The following SPICE1 variants were observed in gnomAD, a reference collection of about 807,000 sequenced individuals.
The protein encoded by SPICE1 is spindle and centriole-associated protein 1.
In SPICE1, 75 loss-of-function variants were observed where a neutral mutation model predicts 102.7. The ratio of observed to expected loss-of-function variants is 0.73; its 90% CI spans 0.61 to 0.88. The LOEUF is 0.88. SPICE1 is among the 40% of genes least tolerant of loss of function. The pLI is 0.00. For missense variants in SPICE1, 979 were observed against 1,020.1 expected (o/e 0.96, Z 0.55); for synonymous variants, 308 against 350.3 (o/e 0.88, Z 1.35).
intron 1 of SPICE1, among the ~76,000 whole-genome samples, chr3:113,510,837 A>G (rs994785762): frequency 2.6e-5 from 4 of 152,214 alleles, no homozygotes; most frequent in Non-Finnish European, 5.9e-5. Flanking sequence ...GACAACCTAC[A>G]AAATGAGAGA....
At chr3:113,492,369 T>C (rs1320805278) in intron 6 of SPICE1, among the ~76,000 whole-genome samples, 1 of 152,156 alleles carries the variant, frequency 6.6e-6, no homozygotes, top group East Asian at 1.9e-4. Flanking sequence ...ATTAAACAGG[T>C]ACTGAGTCCT....
chr3:113,466,838 G>C (rs1477387015), intron 10 of SPICE1, among the ~76,000 whole-genome samples: 1 of 152,110 alleles, frequency 6.6e-6, no homozygotes, highest in Non-Finnish European at 1.5e-5. Context: ...TTTGAACTCA[G>C]GATTTCGAGA....
rs1403348865 is a variant in SPICE1, at chr3:113,465,723, T to C, written c.1217A>G (p.Asp406Gly). ...TRQQLEQVLG[D>G]HRELIDALTA... ...CAGAGCATCAATGAGCTCTCGATGA[T>C]CACCTAATACTTGTTCCAGTTGTTG... The change falls in exon 11 of 18, where the codon GAT becomes GGT. Residue 406 changes from aspartate (D) to glycine (G), a missense_variant. By Grantham distance (94) the Asp-to-Gly change is moderately conservative. Coordinates refer to ENST00000295872, the MANE Select transcript of SPICE1 (RefSeq NM_144718.4). 1.2e-5 allele frequency: 19 copies of C among 1,613,896 alleles called. No homozygotes were observed. Among genetic ancestry groups the C allele is most frequent in the Non-Finnish European group, 1.4e-5 (17 of 1,179,930 alleles).
intron 7 of SPICE1, among the ~76,000 whole-genome samples, chr3:113,484,152 C>T (rs1052404198): frequency 9.2e-5 from 14 of 151,824 alleles, no homozygotes; most frequent in African/African-American, 1.9e-4. Flanking sequence ...AGATTTTATC[C>T]ATTTCTAGTT....
Position 113,488,955 on chromosome 3 carries a change from T to G in SPICE1, c.601A>C (p.Asn201His). The change falls in exon 7 of 18, where the codon AAT becomes CAT. Residue 201 changes from asparagine (N) to histidine (H), a missense_variant. Asn to His is a moderately conservative substitution (Grantham distance 68). Transcript: ENST00000295872. ...GCCATATACACATACCTGTCTGTATTCGTGTTAGACTGAGAGTTTAGAGAG... is the reference window on the plus strand; with the variant it reads ...GCCATATACACATACCTGTCTGTATGCGTGTTAGACTGAGAGTTTAGAGAG... ...DNSLNSQSNTNTDRFLQQLTE... is the reference protein window; with the variant it reads ...DNSLNSQSNTHTDRFLQQLTE... 2 of 1,604,124 alleles carry G rather than the reference T, an allele frequency of 1.2e-6. No individual in the cohort carries two copies. The highest frequency in any genetic ancestry group is 1.7e-6 in the Non-Finnish European group (2 of 1,170,968).
At chr3:113,472,784 C>T (rs907746805) in intron 7 of SPICE1, among the ~76,000 whole-genome samples, 1 of 152,158 alleles carries the variant, frequency 6.6e-6, no homozygotes. Flanking sequence ...AAACCCATCT[C>T]TACATCACCA....
chr3:113,443,519 T>C lies in SPICE1; in HGVS notation c.*1788A>G, dbSNP rs781127003. 10 of 152,344 alleles carry C rather than the reference T, an allele frequency of 6.6e-5. No individual in the cohort carries two copies. In the South Asian group the frequency reaches 1.0e-3, roughly 16 times the overall value. The allele number at this position is 152,344 out of a possible 1,614,324, so 9.4% of individuals were successfully genotyped here. A position where few individuals can be genotyped will look rare whatever the true frequency, so the allele number is the denominator to read the frequency against. On this transcript the variant is annotated 3_prime_UTR_variant, in exon 18 of 18. Coordinates refer to ENST00000295872, the MANE Select transcript of SPICE1 (RefSeq NM_144718.4). ...GAAGCATTTACATACCTCTAACTGA[T>C]AGGTCTACTATGAGATTCAAATGAG...
At chr3:113,491,681 G>A (rs1559972369) in intron 6 of SPICE1, among the ~76,000 whole-genome samples, 1 of 144,712 alleles carries the variant, frequency 6.9e-6, no homozygotes, top group Non-Finnish European at 1.5e-5. Flanking sequence ...TTTCCTTTCT[G>A]ATGTATAGTG....
At position 113,493,281 on chromosome 3, in the gene SPICE1, G is replaced by C; in HGVS notation, c.417C>G (p.Ser139=). 6.2e-7 allele frequency: 1 copy of C among 1,613,908 alleles called. No individual in the cohort carries two copies. The highest frequency in any genetic ancestry group is 1.7e-5 in the Admixed American group (1 of 59,996). Residue 139 remains serine (S), a synonymous_variant, in exon 6 of 18, where the codon TCC becomes TCG. Coordinates refer to ENST00000295872, the MANE Select transcript of SPICE1 (RefSeq NM_144718.4). ...GATTTACCACAATGGGACCCTGAGA[G>C]GAATCAGGAGCCACTGTTACATTTG... ...GFPNVTVAPD[S]SQGPIVVNQD... is the part of the protein sequence containing the mutation.
At position 113,468,359 on chromosome 3, in the gene SPICE1, T is replaced by C; in HGVS notation, c.935A>G (p.Asn312Ser). 1 of 1,614,204 alleles carries C rather than the reference T, an allele frequency of 6.2e-7. No homozygotes were observed. Among genetic ancestry groups the C allele is most frequent in the Non-Finnish European group, 8.5e-7 (1 of 1,180,026 alleles). Residue 312 changes from asparagine (N) to serine (S), a missense_variant, in exon 10 of 18, where the codon AAC (asparagine) becomes AGC (serine). Asn to Ser is a conservative substitution (Grantham distance 46). Coordinates refer to ENST00000295872, the MANE Select transcript of SPICE1 (RefSeq NM_144718.4). Reference protein sequence around the residue: ...NLHALSKPKKNISSGSTTSAD... With the variant: ...NLHALSKPKKSISSGSTTSAD... ...AGAGGTTGTGCTACCTGATGATATG[T>C]TTTTCTTCGGCTTGGAAAGAGCATG...
At position 113,470,656 on chromosome 3, in the gene SPICE1, A is replaced by T. The variant is rs535497109; in HGVS notation, c.612-1418T>A. 7.4e-4 allele frequency among the ~76,000 whole-genome samples: 113 copies of T among 152,336 alleles called. 1 individual carries two copies. The highest frequency in any genetic ancestry group is 1.2e-3 in the Non-Finnish European group (85 of 68,028). ...CCTAAGTTCAACTGTTTTAATTTTT[A>T]GCTCCCAGAAGTAAGTGAGAACATG... On this transcript the variant is annotated intron_variant, in intron 7 of 17. Transcript: ENST00000295872.
chr3:113,455,504 C>G (rs1935759867), intron 13 of SPICE1, among the ~76,000 whole-genome samples: 1 of 152,178 alleles, frequency 6.6e-6, no homozygotes. Context: ...TGCTCACTAG[C>G]CCCATGCAGC....
chr3:113,472,510 G>C (rs188475759), intron 7 of SPICE1, among the ~76,000 whole-genome samples: 30 of 152,314 alleles, frequency 2.0e-4, no homozygotes, highest in Non-Finnish European at 3.4e-4. Context: ...CCTGACCCCC[G>C]AGCAGCCTAA....
rs954037272 is a variant in SPICE1, at chr3:113,443,159, G to A, written c.*2148C>T. 1 of 152,144 alleles carries A rather than the reference G, an allele frequency of 6.6e-6. No homozygotes were observed. The highest frequency in any genetic ancestry group is 2.4e-5 in the African/African-American group (1 of 41,428). 9.4% of individuals were successfully genotyped at this position (152,144 alleles called of 1,614,324 possible). ...TACTGAGTGTTGTGAGCCAAGCTCT[G>A]ATCTCAGCCCATTTACATACACTTG... is the stretch of plus-strand genomic sequence containing the variant. On this transcript the variant is annotated 3_prime_UTR_variant, in exon 18 of 18. Coordinates refer to ENST00000295872, the MANE Select transcript of SPICE1 (RefSeq NM_144718.4).
intron 11 of SPICE1, among the ~76,000 whole-genome samples, chr3:113,464,349 T>A (rs1936003843): frequency 6.7e-6 from 1 of 149,110 alleles, no homozygotes; most frequent in African/African-American, 2.5e-5. Flanking sequence ...CTCAAACTCC[T>A]AGGCTCAAGT....
At chr3:113,492,852 G>T (rs1356472419) in intron 6 of SPICE1, among the ~76,000 whole-genome samples, 1 of 152,142 alleles carries the variant, frequency 6.6e-6, no homozygotes, top group Non-Finnish European at 1.5e-5. Context: ...ATGATCGATG[G>T]TGGCAGTCTT....
In SPICE1 at chr3:113,460,670, T is replaced by C. The variant is rs1935911461; in HGVS notation, c.1382A>G (p.Glu461Gly). The C allele has an allele frequency of 1.2e-6, 2 of 1,613,152 alleles. No individual in the cohort carries two copies. Among genetic ancestry groups the C allele is most frequent in the Non-Finnish European group, 1.7e-6 (2 of 1,179,250 alleles). The change falls in exon 12 of 18, where the codon GAA becomes GGA. Residue 461 changes from glutamate to glycine, a missense_variant. By Grantham distance (98) the Glu-to-Gly change is moderately conservative. Coordinates refer to ENST00000295872, the MANE Select transcript of SPICE1 (RefSeq NM_144718.4). ...GGCTCCGCTTTCTGATGCCTGAATT[T>C]CTTGTCTGTTATTTATCACAGGACA... ...KNCPVINNRQ[E>G]IQASESGATG... is the part of the protein sequence containing the mutation.
chr3:113,472,051 A>G (rs1470315323), intron 7 of SPICE1, among the ~76,000 whole-genome samples: 1 of 152,234 alleles, frequency 6.6e-6, no homozygotes, highest in African/African-American at 2.4e-5. Flanking sequence ...GAAAGGGGTG[A>G]CAGACGGCAC....
intron 7 of SPICE1, among the ~76,000 whole-genome samples, chr3:113,482,353 TAGA>T (rs1329322627): frequency 1.3e-5 from 2 of 152,232 alleles, no homozygotes; most frequent in Non-Finnish European, 2.9e-5. Flanking sequence ...TCCCATTCTG[TAGA>T]TTACCTGTTC....
Sources: allele counts gnomAD v4.1 joint callset (sites outside exome capture counted in the v4.1 genomes callset), GRCh38; gene constraint gnomAD v4.1.1; transcripts MANE v1.5; gene names NCBI Gene and HGNC (gene_info 2026-07-23, HGNC 2026-07-21).